CNTLN: variants seen among roughly 807,000 people sequenced by gnomAD.
CNTLN encodes the protein centlein, centrosomal protein.
In CNTLN, 212 loss-of-function variants were observed where a neutral mutation model predicts 180.0. The ratio of observed to expected loss-of-function variants is 1.18; its 90% CI spans 1.05 to 1.32. The LOEUF (loss-of-function observed/expected upper bound fraction) is 1.32, where lower values mean the gene tolerates loss of function less well. Among genes scored for constraint, CNTLN ranks in the 40% most tolerant of loss-of-function variants. The pLI, the probability that CNTLN is intolerant of heterozygous loss-of-function variation, is 0.00. For missense variants in CNTLN, 2,095 were observed against 1,610.9 expected (o/e 1.30, Z -5.14); for synonymous variants, 722 against 563.1 (o/e 1.28, Z -3.99).
intron 5 of CNTLN, among the ~76,000 whole-genome samples, chr9:17,258,612 A>G (rs1029662653): frequency 6.7e-6 from 1 of 150,346 alleles, no homozygotes; most frequent in African/African-American, 2.5e-5. Context: ...ACCCATGAAC[A>G]TGGAATGTTC....
At chr9:17,212,941 C>T (rs556772286) in intron 2 of CNTLN, among the ~76,000 whole-genome samples, 1 of 152,064 alleles carries the variant, frequency 6.6e-6, no homozygotes, top group Non-Finnish European at 1.5e-5. Flanking sequence ...TGATTCTTCT[C>T]TCTTTTCTTC....
In CNTLN at chr9:17,309,144, G is replaced by C; in HGVS notation, c.1233G>C (p.Gln411His). ...AAAGTGTTACTAATCTTCAGGATCA[G>C]CTATTACAAAAAGAGCAAGAAAATG... ...LRQSVTNLQD[Q>H]LLQKEQENAK... is the part of the protein sequence containing the mutation. The change falls in exon 8 of 26, where the codon CAG becomes CAC. Residue 411 changes from glutamine to histidine, a missense_variant. Coordinates refer to ENST00000380647, the MANE Select transcript of CNTLN (RefSeq NM_017738.4). 6.2e-7 allele frequency: 1 copy of C among 1,610,784 alleles called. No individual in the cohort carries two copies. The highest frequency in any genetic ancestry group is 8.5e-7 in the Non-Finnish European group (1 of 1,178,156).
At chr9:17,404,323 C>T (rs570708454) in intron 15 of CNTLN, among the ~76,000 whole-genome samples, 62 of 151,632 alleles carry the variant, frequency 4.1e-4, no homozygotes, top group Non-Finnish European at 8.1e-4. Context: ...TTGGCGTGGC[C>T]GCTGTAATTA....
At chr9:17,347,337 T>C (rs1353471918) in intron 12 of CNTLN, among the ~76,000 whole-genome samples, 1 of 152,220 alleles carries the variant, frequency 6.6e-6, no homozygotes, top group Non-Finnish European at 1.5e-5. Flanking sequence ...CCTTGGGTTA[T>C]GTCCGGATAA....
At chr9:17,274,925 T>A (rs1828213256) in intron 6 of CNTLN, among the ~76,000 whole-genome samples, 1 of 152,114 alleles carries the variant, frequency 6.6e-6, no homozygotes, top group Admixed American at 6.5e-5. Context: ...GCCAATAAAG[T>A]TAAAATGAAT....
intron 1 of CNTLN, among the ~76,000 whole-genome samples, chr9:17,138,451 G>A (rs747047061): frequency 9.2e-5 from 14 of 152,092 alleles, no homozygotes; most frequent in Non-Finnish European, 1.3e-4. Context: ...TGAAGCAGGC[G>A]ATGTTGGAAT....
intron 6 of CNTLN, among the ~76,000 whole-genome samples, chr9:17,279,110 A>G (rs958242817): frequency 6.6e-6 from 1 of 152,118 alleles, no homozygotes; most frequent in South Asian, 2.1e-4. Flanking sequence ...TTTAAACTAC[A>G]TTTCATCTGT....
chr9:17,267,234 G>A (rs1428907687), intron 5 of CNTLN, among the ~76,000 whole-genome samples: 1 of 152,040 alleles, frequency 6.6e-6, no homozygotes, highest in Admixed American at 6.6e-5. Flanking sequence ...GGCAGGCCTG[G>A]TGGTGACAAA....
At chr9:17,218,338 G>A (rs1224273323) in intron 2 of CNTLN, among the ~76,000 whole-genome samples, 1 of 151,954 alleles carries the variant, frequency 6.6e-6, no homozygotes, top group Non-Finnish European at 1.5e-5. Flanking sequence ...ACATATTAAA[G>A]TTTTCTTTTT....
At chr9:17,316,823 C>T (rs1321555395) in intron 8 of CNTLN, among the ~76,000 whole-genome samples, 3 of 151,690 alleles carry the variant, frequency 2.0e-5, no homozygotes, top group Non-Finnish European at 2.9e-5. Flanking sequence ...TAGTGCTTAC[C>T]CTGGGGGGGA....
In CNTLN at chr9:17,394,860, A is replaced by G. The variant is rs1261097557; in HGVS notation, c.2406A>G (p.Ala802=). ...CAATGGAGAAATCACACCAGTCAGC[A>G]GACAGAGCTAAATCCGAGATGGCCA... ...INPMEKSHQS[A]DRAKSEMATM... is the part of the protein sequence containing the mutation. The change falls in exon 15 of 26, where the codon GCA becomes GCG. Residue 802 remains alanine (A), a synonymous_variant. Transcript: ENST00000380647. 1 of 1,614,064 alleles carries G rather than the reference A, an allele frequency of 6.2e-7. No homozygotes were observed. Among genetic ancestry groups the G allele is most frequent in the Non-Finnish European group, 8.5e-7 (1 of 1,179,984 alleles).
the CNTLN span, among the ~76,000 whole-genome samples, chr9:17,521,036 C>T: frequency 6.6e-6 from 1 of 152,030 alleles, no homozygotes; most frequent in Non-Finnish European, 1.5e-5. Context: ...TAATAGGAGT[C>T]TATAAATGAA....
intron 7 of CNTLN, chr9:17,298,619 GCTT>G (rs1818123134): frequency 9.4e-7 from 1 of 1,066,546 alleles, no homozygotes. Flanking sequence ...CATTCAGACA[GCTT>G]CTGTGAAACA....
intron 1 of CNTLN, among the ~76,000 whole-genome samples, chr9:17,135,999 T>A (rs1249734919): frequency 9.9e-5 from 15 of 152,220 alleles, no homozygotes; most frequent in Admixed American, 9.8e-4. Flanking sequence ...CCAGCTATGG[T>A]AATTCCGCGG....
chr9:17,149,889 T>C (rs1445405473), intron 2 of CNTLN, among the ~76,000 whole-genome samples: 1 of 152,202 alleles, frequency 6.6e-6, no homozygotes, highest in Admixed American at 6.5e-5. Flanking sequence ...TTGATTTGCA[T>C]TTCTCTAATG....
chr9:17,252,858 A>G (rs1234619945), intron 5 of CNTLN, among the ~76,000 whole-genome samples: 1 of 150,052 alleles, frequency 6.7e-6, no homozygotes, highest in Non-Finnish European at 1.5e-5. Flanking sequence ...TGTCTTGGAG[A>G]GTTTTCTCTA....
intron 23 of CNTLN, among the ~76,000 whole-genome samples, chr9:17,481,289 A>G (rs370237637): frequency 2.6e-5 from 4 of 152,148 alleles, no homozygotes; most frequent in African/African-American, 4.8e-5. Context: ...AGTTACCTCA[A>G]TTGATCATGG....
At chr9:17,140,406 T>A (rs1818005176) in intron 1 of CNTLN, among the ~76,000 whole-genome samples, 1 of 152,122 alleles carries the variant, frequency 6.6e-6, no homozygotes, top group Non-Finnish European at 1.5e-5. Context: ...AGTGCTCTCA[T>A]CACAAAAAAA....
chr9:17,320,512 GTTTT>G (rs1308124164), intron 8 of CNTLN, among the ~76,000 whole-genome samples: 3 of 120,450 alleles, frequency 2.5e-5, no homozygotes, highest in African/African-American at 6.1e-5. Context: ...TTGTTTGTTT[GTTTT>G]TTTGAGATGG....
Sources: allele counts gnomAD v4.1 joint callset (sites outside exome capture counted in the v4.1 genomes callset), GRCh38; gene constraint gnomAD v4.1.1; transcripts MANE v1.5; gene names NCBI Gene and HGNC (gene_info 2026-07-23, HGNC 2026-07-21).